Variants in SEMG1 observed in about 807,000 individuals in gnomAD.
SEMG1 encodes the protein semenogelin 1, also known as semenogelin-1.
A neutral mutation model predicts 8.8 loss-of-function variants in SEMG1; 6 were observed. The ratio of observed to expected loss-of-function variants is 0.68; its 90% CI spans 0.37 to 1.35. The LOEUF is 1.35. Ranked by LOEUF, SEMG1 falls within the 40% of genes most tolerant of loss-of-function variation. The pLI, the probability that SEMG1 is intolerant of heterozygous loss-of-function variation, is 0.02. For synonymous variants in SEMG1, 221 were observed against 190.3 expected (o/e 1.16, Z -1.33); for missense variants, 580 against 533.6 (o/e 1.09, Z -0.86).
At position 45,208,468 on chromosome 20, in the gene SEMG1, C is replaced by A. The variant is rs147511002; in HGVS notation, c.1171C>A (p.Pro391Thr). 44 of 1,613,750 alleles carry A rather than the reference C, an allele frequency of 2.7e-5. No homozygotes were observed. The highest frequency in any genetic ancestry group is 3.6e-5 in the Non-Finnish European group (43 of 1,179,940). ...LVAGKSQIQA[P>T]NPKQEPWHGE... ...AGCAGGCAAGTCTCAAATCCAGGCA[C>A]CAAATCCTAAGCAAGAGCCATGGCA... The change falls in exon 2 of 3, where the codon CCA becomes ACA. Residue 391 changes from proline to threonine, a missense_variant. Transcript: ENST00000372781.
chr20:45,208,325 C>T lies in SEMG1; in HGVS notation c.1028C>T (p.Ala343Val), dbSNP rs763681729. ...CAAGAGCAAGAGCATAGCCAAAAGG[C>T]AAATAAAATATCATACCAATCTTCA... is the stretch of plus-strand genomic sequence containing the variant. ...PSQEQEHSQK[A>V]NKISYQSSST... Residue 343 changes from alanine to valine, a missense_variant, in exon 2 of 3, where the codon GCA (alanine) becomes GTA (valine). Transcript: ENST00000372781. 1.1e-5 allele frequency: 18 copies of T among 1,570,740 alleles called. No individual in the cohort carries two copies. In the East Asian group the frequency reaches 3.3e-4, roughly 29 times the overall value.
chr20:45,208,727 C>A lies in SEMG1; in HGVS notation c.*41C>A. On this transcript the variant is annotated 3_prime_UTR_variant, in exon 2 of 3. Coordinates refer to ENST00000372781, the MANE Select transcript of SEMG1 (RefSeq NM_003007.5). Reference sequence around the variant, plus strand: ...ACCATGTGAAAGGATGGACCAATATCAAGGTAATTTTTTTTTAGCAAATAG... The same window carrying A: ...ACCATGTGAAAGGATGGACCAATATAAAGGTAATTTTTTTTTAGCAAATAG... 1 of 1,420,130 alleles carries A rather than the reference C, an allele frequency of 7.0e-7. No homozygotes were observed. Among genetic ancestry groups the A allele is most frequent in the Non-Finnish European group, 9.6e-7 (1 of 1,036,966 alleles). 88.0% of individuals were successfully genotyped at this position (1,420,130 alleles called of 1,614,324 possible). A position where few individuals can be genotyped will look rare whatever the true frequency, so the allele number is the denominator to read the frequency against.
Position 45,208,175 on chromosome 20 carries a change from C to CAGA in SEMG1, c.883_885dup (p.Glu295dup). On this transcript the variant is annotated inframe_insertion, in exon 2 of 3. Coordinates refer to ENST00000372781, the MANE Select transcript of SEMG1 (RefSeq NM_003007.5). ...AAAATATCATACCAATCTTCAAGTA[C>CAGA]AGAAGAAAGACGACTCCACTATGGA... 1 of 1,614,042 alleles carries CAGA rather than the reference C, an allele frequency of 6.2e-7. No homozygotes were observed. Among genetic ancestry groups the CAGA allele is most frequent in the Non-Finnish European group, 8.5e-7 (1 of 1,179,988 alleles).
chr20:45,207,062 C>T lies in SEMG1; in HGVS notation c.9C>T (p.Pro3=), dbSNP rs768359334. The T allele has an allele frequency of 1.9e-6, 3 of 1,613,650 alleles. No homozygotes were observed. The highest frequency in any genetic ancestry group is 2.5e-6 in the Non-Finnish European group (3 of 1,179,686). The change falls in exon 1 of 3, where the codon CCC becomes CCT. Residue 3 remains proline (P), a synonymous_variant. Transcript: ENST00000372781. ...AAGGTTTTCCAAGCAAGATGAAGCCCAACATCATCTTTGTACTTTCCCTGC... is the reference window on the plus strand; with the variant it reads ...AAGGTTTTCCAAGCAAGATGAAGCCTAACATCATCTTTGTACTTTCCCTGC... The part of the protein sequence containing the change: MK[P]NIIFVLSLLL...
chr20:45,208,202 A>C lies in SEMG1; in HGVS notation c.905A>C (p.Glu302Ala), dbSNP rs1344839552. Residue 302 changes from glutamate to alanine, a missense_variant, in exon 2 of 3, where the codon GAA becomes GCA. Transcript: ENST00000372781. ...STEERRLHYG[E>A]NGVQKDVSQS... Reference sequence around the variant, plus strand: ...GAAGAAAGACGACTCCACTATGGAGAAAATGGTGTGCAGAAAGATGTATCC... The same window carrying C: ...GAAGAAAGACGACTCCACTATGGAGCAAATGGTGTGCAGAAAGATGTATCC... 6.8e-6 allele frequency: 11 copies of C among 1,613,408 alleles called. No homozygotes were observed. Among genetic ancestry groups the C allele is most frequent in the Non-Finnish European group, 9.3e-6 (11 of 1,179,702 alleles).
intron 1 of SEMG1, 43 bp downstream of exon 1, chr20:45,207,172 C>G (rs762355416): frequency 1.2e-6 from 2 of 1,611,948 alleles, no homozygotes; most frequent in Admixed American, 3.3e-5. Context: ...GCTCAGACAG[C>G]TAATAATCTA....
chr20:45,209,336 A>C (rs958777235), intron 2 of SEMG1, among the ~76,000 whole-genome samples: 1 of 152,200 alleles, frequency 6.6e-6, no homozygotes, highest in South Asian at 2.1e-4. Context: ...TCATGGGCCA[A>C]TTGGGTGTTT....
rs754248085 is a variant in SEMG1 at position 45,208,031 on chromosome 20, A to G, written c.734A>G (p.Lys245Arg). ...TCACTCTGTCCTGCGCACCAAGACAAACTCCAACATGGATCCAAAGACATT... is the reference window on the plus strand; with the variant it reads ...TCACTCTGTCCTGCGCACCAAGACAGACTCCAACATGGATCCAAAGACATT... ...QTSLCPAHQD[K>R]LQHGSKDIFS... Residue 245 changes from lysine (K) to arginine (R), a missense_variant, in exon 2 of 3, where the codon AAA becomes AGA. Lys to Arg is a conservative substitution (Grantham distance 26, BLOSUM62 2). Coordinates refer to ENST00000372781, the MANE Select transcript of SEMG1 (RefSeq NM_003007.5). The G allele has an allele frequency of 2.5e-6, 4 of 1,614,142 alleles. No homozygotes were observed. The highest frequency in any genetic ancestry group is 3.4e-6 in the Non-Finnish European group (4 of 1,180,002).
intron 2 of SEMG1, among the ~76,000 whole-genome samples, chr20:45,209,176 T>C (rs1310416743): frequency 6.6e-6 from 1 of 152,148 alleles, no homozygotes; most frequent in African/African-American, 2.4e-5. Flanking sequence ...TGCATCCCTG[T>C]TAGGGTTCAT....
At position 45,207,838 on chromosome 20, in the gene SEMG1, G is replaced by A. The variant is rs369089598; in HGVS notation, c.541G>A (p.Ala181Thr). The A allele has an allele frequency of 2.4e-5, 39 of 1,613,648 alleles. No homozygotes were observed. The highest frequency in any genetic ancestry group is 5.3e-5 in the African/African-American group (4 of 74,898). ...LSKEQTSVSG[A>T]QKGRKQGGSQ... ...TAAAGAACAAACTTCCGTCTCTGGT[G>A]CACAAAAAGGTAGAAAACAAGGCGG... is the stretch of plus-strand genomic sequence containing the variant. Residue 181 changes from alanine to threonine, a missense_variant, in exon 2 of 3, where the codon GCA (alanine) becomes ACA (threonine). Physicochemically the swap from Ala to Thr is moderately conservative, Grantham distance 58 (BLOSUM62 0). Transcript: ENST00000372781.
At position 45,207,631 on chromosome 20, in the gene SEMG1, G is replaced by T. The variant is rs1424219404; in HGVS notation, c.334G>T (p.Glu112Ter). ...GSQQLLHNKQ[E>*]GRDHDKSKGH... ...TCAACAACTGCTCCATAATAAACAA[G>T]AAGGCAGAGACCATGATAAATCAAA... Residue 112 changes from glutamate to a stop codon, truncating the protein, a stop_gained, in exon 2 of 3, where the codon GAA becomes TAA. Coordinates refer to ENST00000372781, the MANE Select transcript of SEMG1 (RefSeq NM_003007.5). LOFTEE classifies it low-confidence loss of function (END_TRUNC). 6.2e-7 allele frequency: 1 copy of T among 1,613,660 alleles called. No homozygotes were observed. The highest frequency in any genetic ancestry group is 8.5e-7 in the Non-Finnish European group (1 of 1,179,856).
chr20:45,209,058 C>T (rs1983786412), intron 2 of SEMG1, among the ~76,000 whole-genome samples: 1 of 152,128 alleles, frequency 6.6e-6, no homozygotes, highest in South Asian at 2.1e-4. Context: ...TTATGGTATA[C>T]TCTTGTCAGT....
At chr20:45,208,993 T>C (rs1356458885) in intron 2 of SEMG1, among the ~76,000 whole-genome samples, 1 of 152,210 alleles carries the variant, frequency 6.6e-6, no homozygotes, top group Non-Finnish European at 1.5e-5. Context: ...TGTATATGCC[T>C]ACCTGCTAAA....
chr20:45,209,111 A>C (rs1466642814), intron 2 of SEMG1, among the ~76,000 whole-genome samples: 1 of 152,166 alleles, frequency 6.6e-6, no homozygotes, highest in Non-Finnish European at 1.5e-5. Flanking sequence ...TTTCCTATAT[A>C]GTATAAAGGA....
Position 45,207,981 on chromosome 20 carries a change from G to C in SEMG1, c.684G>C (p.Glu228Asp). Residue 228 changes from glutamate to aspartate, a missense_variant, in exon 2 of 3, where the codon GAG becomes GAC. Transcript: ENST00000372781. The part of the protein sequence containing the change: ...GHYQNVVEVR[E>D]EHSSKVQTSL... ...ACCAAAATGTGGTTGAAGTGAGAGA[G>C]GAACATTCAAGTAAAGTACAAACCT... is the stretch of plus-strand genomic sequence containing the variant. 1 of 1,613,914 alleles carries C rather than the reference G, an allele frequency of 6.2e-7. No individual in the cohort carries two copies. The highest frequency in any genetic ancestry group is 8.5e-7 in the Non-Finnish European group (1 of 1,179,938).
At chr20:45,209,579 T>G (rs1983798275) in intron 2 of SEMG1, 22 bp from the exon 3 acceptor site, 2 of 152,242 alleles carry the variant, frequency 1.3e-5, no homozygotes, top group African/African-American at 4.8e-5. Flanking sequence ...CTCACATCAC[T>G]GATTCTCTTC....
rs758945022 is a variant in SEMG1 at position 45,207,417 on chromosome 20, A to C, written c.120A>C (p.Pro40=). 2.1e-5 allele frequency: 34 copies of C among 1,610,950 alleles called. No homozygotes were observed. Among genetic ancestry groups the C allele is most frequent in the Non-Finnish European group, 2.8e-5 (33 of 1,179,136 alleles). The change falls in exon 2 of 3, where the codon CCA becomes CCC. Residue 40 remains proline (P), a synonymous_variant. Transcript: ENST00000372781. The part of the protein sequence containing the change: ...GRLPSEFSQF[P]HGQKGQHYSG... ...TACCAAGTGAATTTTCCCAATTTCCACACGGACAAAAGGGCCAGCACTATT... is the reference window on the plus strand; with the variant it reads ...TACCAAGTGAATTTTCCCAATTTCCCCACGGACAAAAGGGCCAGCACTATT...
Position 45,208,720 on chromosome 20 carries a change from C to A in SEMG1, c.*34C>A. The A allele has an allele frequency of 6.9e-7, 1 of 1,454,062 alleles. No individual in the cohort carries two copies. The highest frequency in any genetic ancestry group is 1.4e-5 in the African/African-American group (1 of 70,526). 90.1% of individuals were successfully genotyped at this position (1,454,062 alleles called of 1,614,324 possible). A position where few individuals can be genotyped will look rare whatever the true frequency, so the allele number is the denominator to read the frequency against. On this transcript the variant is annotated 3_prime_UTR_variant, in exon 2 of 3. Coordinates refer to ENST00000372781, the MANE Select transcript of SEMG1 (RefSeq NM_003007.5). Reference sequence around the variant, plus strand: ...TTCGGTAACCATGTGAAAGGATGGACCAATATCAAGGTAATTTTTTTTTAG... The same window carrying A: ...TTCGGTAACCATGTGAAAGGATGGAACAATATCAAGGTAATTTTTTTTTAG...
chr20:45,207,139 G>A lies in SEMG1; in HGVS notation c.76+10G>A. The A allele has an allele frequency of 1.2e-6, 2 of 1,613,756 alleles. No homozygotes were observed. The highest frequency in any genetic ancestry group is 1.7e-6 in the Non-Finnish European group (2 of 1,179,758). On this transcript the variant is annotated intron_variant, in intron 1 of 2. Coordinates refer to ENST00000372781, the MANE Select transcript of SEMG1 (RefSeq NM_003007.5). The stretch of plus-strand genomic sequence containing the variant: ...GTGATGGGACAAAAAGGTGAGTGGA[G>A]AGGGTAAGCCTTGGGGAAAGCTGCT...
Sources: allele counts gnomAD v4.1 joint callset (sites outside exome capture counted in the v4.1 genomes callset), GRCh38; gene constraint gnomAD v4.1.1; transcripts MANE v1.5; gene names NCBI Gene and HGNC (gene_info 2026-07-23, HGNC 2026-07-21).